NKAIN2: variants seen among roughly 807,000 people sequenced by gnomAD.
NKAIN2 encodes the protein sodium/potassium-transporting ATPase subunit beta-1-interacting protein 2.
NKAIN2 carries 14 observed loss-of-function variants against 32.6 expected under a neutral mutation model. The ratio of observed to expected loss-of-function variants is 0.43; its 90% CI spans 0.28 to 0.67. NKAIN2 has a LOEUF of 0.67. NKAIN2 is among the 30% of genes least tolerant of loss of function. The probability of loss-of-function intolerance (pLI) is 0.17; values close to 1 mark genes in which losing one functional copy is unlikely to be tolerated. For missense variants in NKAIN2, 198 were observed against 258.3 expected, an observed-to-expected ratio of 0.77 and a Z score of 1.60; for synonymous variants, 80 against 87.2, an observed-to-expected ratio of 0.92 and a Z score of 0.46.
At chr6:124,355,524 C>T (rs1233701310) in intron 3 of NKAIN2, among the ~76,000 whole-genome samples, 177 bp downstream of exon 3, 2 of 144,010 alleles carry the variant, frequency 1.4e-5, no homozygotes, top group African/African-American at 5.1e-5. Flanking sequence ...TGGTGAGTCA[C>T]AAAAATGTAC....
At chr6:124,127,042 G>GAATTAGAAT (rs1470680291) in intron 1 of NKAIN2, among the ~76,000 whole-genome samples, 1 of 152,054 alleles carries the variant, frequency 6.6e-6, no homozygotes, top group Non-Finnish European at 1.5e-5. Flanking sequence ...ATATGTTTCT[G>GAATTAGAAT]AATTAGAATA....
chr6:124,337,575 G>A (rs1264638091), intron 2 of NKAIN2, among the ~76,000 whole-genome samples: 1 of 152,122 alleles, frequency 6.6e-6, no homozygotes, highest in Non-Finnish European at 1.5e-5. Context: ...TTCTGTAAGA[G>A]AAATGCAAAC....
chr6:124,758,528 A>G (rs958362793), intron 4 of NKAIN2, among the ~76,000 whole-genome samples: 3 of 152,020 alleles, frequency 2.0e-5, no homozygotes, highest in African/African-American at 7.2e-5. Flanking sequence ...AGTCTATGGT[A>G]TTTTTGCTAT....
intron 2 of NKAIN2, among the ~76,000 whole-genome samples, chr6:124,330,254 A>G (rs1797600476): frequency 6.6e-6 from 1 of 152,158 alleles, no homozygotes; most frequent in Non-Finnish European, 1.5e-5. Flanking sequence ...CTTTTCCTGG[A>G]CAACTTCTGA....
At chr6:124,270,366 C>A (rs1794700918) in intron 1 of NKAIN2, among the ~76,000 whole-genome samples, 1 of 152,002 alleles carries the variant, frequency 6.6e-6, no homozygotes, top group South Asian at 2.1e-4. Flanking sequence ...TACATTGTTT[C>A]TCTGATAATG....
intron 3 of NKAIN2, among the ~76,000 whole-genome samples, chr6:124,611,376 ATTAC>A (rs1039380957): frequency 1.1e-4 from 16 of 152,150 alleles, no homozygotes; most frequent in African/African-American, 3.4e-4. Flanking sequence ...GTTTGTTTAT[ATTAC>A]TTTAAGTTCT....
At chr6:124,066,660 G>A (rs1003428402) in intron 1 of NKAIN2, among the ~76,000 whole-genome samples, 2 of 152,082 alleles carry the variant, frequency 1.3e-5, no homozygotes, top group Non-Finnish European at 2.9e-5. Flanking sequence ...GGGATTAATT[G>A]TAAAAATAAA....
intron 3 of NKAIN2, among the ~76,000 whole-genome samples, chr6:124,522,438 G>T (rs1779151456): frequency 6.6e-6 from 1 of 152,146 alleles, no homozygotes. Context: ...TTCACGAGTA[G>T]ATGTATCAAT....
chr6:124,563,131 C>T (rs895209537), intron 3 of NKAIN2, among the ~76,000 whole-genome samples: 3 of 151,062 alleles, frequency 2.0e-5, no homozygotes, highest in African/African-American at 7.4e-5. Context: ...GTCTCAAACT[C>T]CTGACCTTGT....
chr6:123,940,575 T>C (rs1187541679), intron 1 of NKAIN2, among the ~76,000 whole-genome samples: 1 of 152,026 alleles, frequency 6.6e-6, no homozygotes, highest in Non-Finnish European at 1.5e-5. Flanking sequence ...CATGTTACTA[T>C]ATTGTAGGCA....
chr6:124,804,924 G>T (rs1026367632), intron 5 of NKAIN2, among the ~76,000 whole-genome samples: 1 of 152,168 alleles, frequency 6.6e-6, no homozygotes, highest in African/African-American at 2.4e-5. Context: ...ACTGCAAGGC[G>T]GCAGCGAGGC....
At chr6:123,896,543 A>T (rs1774288579) in intron 1 of NKAIN2, among the ~76,000 whole-genome samples, 1 of 152,236 alleles carries the variant, frequency 6.6e-6, no homozygotes, top group Non-Finnish European at 1.5e-5. Context: ...ACCATTCATG[A>T]TGATTTATTC....
rs377320244 is a variant in NKAIN2, at chr6:124,404,208, T to A, written c.273+48861T>A. On this transcript the variant is annotated intron_variant, in intron 3 of 6. Transcript: ENST00000368417. Reference sequence around the variant, plus strand: ...GCAAGTTTGAATCACCTTTATTCATTTCCAGGCGTGGAGATGATTGGAAGA... The same window carrying A: ...GCAAGTTTGAATCACCTTTATTCATATCCAGGCGTGGAGATGATTGGAAGA... Among the ~76,000 whole-genome samples, 3 of 152,260 alleles carry A rather than the reference T, an allele frequency of 2.0e-5. No homozygotes were observed. In the South Asian group the frequency reaches 6.2e-4, roughly 32 times the overall value.
At chr6:124,514,618 A>G (rs1778835917) in intron 3 of NKAIN2, among the ~76,000 whole-genome samples, 1 of 152,140 alleles carries the variant, frequency 6.6e-6, no homozygotes, top group South Asian at 2.1e-4. Context: ...GATCTACCAC[A>G]GGTAATCATT....
chr6:123,991,550 G>T (rs1436952310), intron 1 of NKAIN2, among the ~76,000 whole-genome samples: 3 of 152,088 alleles, frequency 2.0e-5, no homozygotes, highest in African/African-American at 7.2e-5. Context: ...AATCAAAAAT[G>T]CCCACTGGAA....
intron 1 of NKAIN2, among the ~76,000 whole-genome samples, chr6:123,809,751 G>A (rs1773375497): frequency 6.6e-6 from 1 of 151,992 alleles, no homozygotes; most frequent in Admixed American, 6.6e-5. Context: ...CAGGCAGTGG[G>A]TCTAGCTTAT....
At chr6:123,910,008 C>T (rs897150025) in intron 1 of NKAIN2, among the ~76,000 whole-genome samples, 13 of 152,004 alleles carry the variant, frequency 8.6e-5, no homozygotes, top group African/African-American at 2.4e-4. Context: ...AAAATGTAAC[C>T]GTAACAGTGG....
At chr6:124,101,087 G>T (rs1021512587) in intron 1 of NKAIN2, among the ~76,000 whole-genome samples, 1 of 152,100 alleles carries the variant, frequency 6.6e-6, no homozygotes, top group Admixed American at 6.6e-5. Context: ...AACAATGCAT[G>T]GTAAAGCCAT....
At chr6:124,694,693 A>G (rs2114548846) in intron 4 of NKAIN2, among the ~76,000 whole-genome samples, 1 of 152,310 alleles carries the variant, frequency 6.6e-6, no homozygotes, top group East Asian at 1.9e-4. Flanking sequence ...GCACACATTC[A>G]ATGCCATATG....
Sources: allele counts gnomAD v4.1 joint callset (sites outside exome capture counted in the v4.1 genomes callset), GRCh38; gene constraint gnomAD v4.1.1; transcripts MANE v1.5; gene names NCBI Gene and HGNC (gene_info 2026-07-23, HGNC 2026-07-21).